The following PHF3 variants were observed in gnomAD, a reference collection of about 807,000 sequenced individuals.
The protein encoded by PHF3 is PHD finger protein 3.
In PHF3, 41 loss-of-function variants were observed where a neutral mutation model predicts 178.4. The observed-to-expected ratio is 0.23, with a 90% CI of 0.18 to 0.30. PHF3 has a LOEUF of 0.30. PHF3 is among the 10% of genes least tolerant of loss of function. The pLI, the probability that PHF3 is intolerant of heterozygous loss-of-function variation, is 1.00. For synonymous variants in PHF3, 842 were observed against 800.5 expected, an observed-to-expected ratio of 1.05 and a Z score of -0.88; for missense variants, 2,346 against 2,398.1, an observed-to-expected ratio of 0.98 and a Z score of 0.45.
chr6:63,725,138 TTATA>T lies in PHF3; in HGVS notation c.*11433_*11436del, dbSNP rs1768561994. 6.6e-6 allele frequency among the ~76,000 whole-genome samples: 1 copy of T among 152,144 alleles called. No individual in the cohort carries two copies. Among genetic ancestry groups the T allele is most frequent in the Admixed American group, 6.5e-5 (1 of 15,268 alleles). ...ATATTTAAAAATTTTCATGATTTTC[TTATA>T]TAAGTGTCAAATGCAGCATCAATCG... On this transcript the variant is annotated 3_prime_UTR_variant, in exon 16 of 16. Coordinates refer to ENST00000262043, the MANE Select transcript of PHF3 (RefSeq NM_001370348.2).
chr6:63,657,400 A>G (rs1292681234), intron 2 of PHF3, among the ~76,000 whole-genome samples: 2 of 152,222 alleles, frequency 1.3e-5, no homozygotes, highest in Admixed American at 6.5e-5. Flanking sequence ...CTAATAGCCT[A>G]TGTTGACTGG....
intron 3 of PHF3, among the ~76,000 whole-genome samples, chr6:63,681,911 C>G (rs1174351002): frequency 6.6e-6 from 1 of 152,108 alleles, no homozygotes; most frequent in South Asian, 2.1e-4. Context: ...GTATAGCAAT[C>G]TGGCTGTACT....
At chr6:63,670,499 G>C (rs1765869461) in intron 2 of PHF3, among the ~76,000 whole-genome samples, 1 of 151,946 alleles carries the variant, frequency 6.6e-6, no homozygotes. Flanking sequence ...CGTTAGCCAG[G>C]ATGGTCTCGA....
intron 1 of PHF3, among the ~76,000 whole-genome samples, chr6:63,637,276 G>C (rs1764382661): frequency 6.6e-6 from 1 of 152,042 alleles, no homozygotes; most frequent in African/African-American, 2.4e-5. Context: ...ACTATTTTGG[G>C]GTCGAACTTG....
intron 2 of PHF3, among the ~76,000 whole-genome samples, chr6:63,659,119 C>T (rs1394172026): frequency 6.6e-6 from 1 of 152,050 alleles, no homozygotes; most frequent in East Asian, 1.9e-4. Flanking sequence ...ATGGCCTAGC[C>T]AAGTTGACGT....
At chr6:63,709,309 A>G (rs1767825659) in intron 14 of PHF3, 69 bp downstream of exon 14, 2 of 1,052,532 alleles carry the variant, frequency 1.9e-6, no homozygotes, top group Non-Finnish European at 2.9e-6. Context: ...TAGAATTCTT[A>G]TGCAAGGGTG....
rs748847194 is a variant in PHF3, at chr6:63,706,751, G to A, written c.3586G>A (p.Glu1196Lys). The A allele has an allele frequency of 2.5e-6, 4 of 1,613,716 alleles. No individual in the cohort carries two copies. The East Asian group carries it at 8.9e-5, about 36-fold the overall frequency. The change falls in exon 13 of 16, where the codon GAA becomes AAA. Residue 1196 changes from glutamate (E) to lysine (K), a missense_variant. Coordinates refer to ENST00000262043, the MANE Select transcript of PHF3 (RefSeq NM_001370348.2). ...TAGTCCAGAGATGCCTGGAACTGTT[G>A]AAGTTGAGTCTACCTTTCTGGCTCG... ...APRPEMPGTV[E>K]VESTFLARLN... is the part of the protein sequence containing the mutation.
intron 2 of PHF3, among the ~76,000 whole-genome samples, chr6:63,664,762 A>C (rs1438611388): frequency 1.3e-5 from 2 of 152,072 alleles, no homozygotes; most frequent in South Asian, 2.1e-4. Flanking sequence ...TTCCAAGTTG[A>C]GCTTGATACT....
In PHF3 at chr6:63,716,395, C is replaced by T. The variant is rs1057379948; in HGVS notation, c.*2687C>T. 2.6e-5 allele frequency among the ~76,000 whole-genome samples: 4 copies of T among 152,150 alleles called. No individual in the cohort carries two copies. Among genetic ancestry groups the T allele is most frequent in the Non-Finnish European group, 5.9e-5 (4 of 68,004 alleles). ...TTCCACTGAACTGTCTGAAACCCTTCACTGAGCAACCCAACTGTTCAGTGT... is the reference window on the plus strand; with the variant it reads ...TTCCACTGAACTGTCTGAAACCCTTTACTGAGCAACCCAACTGTTCAGTGT... On this transcript the variant is annotated 3_prime_UTR_variant, in exon 16 of 16. Coordinates refer to ENST00000262043, the MANE Select transcript of PHF3 (RefSeq NM_001370348.2).
Position 63,721,874 on chromosome 6 carries a change from G to T in PHF3, c.*8166G>T. ...GAAAACTTTTGCTGTTTCTGGCCAA[G>T]TTGGATAAGTTTTAGTTATGGGGAA... On this transcript the variant is annotated 3_prime_UTR_variant, in exon 16 of 16. Transcript: ENST00000262043. 7.4e-7 allele frequency: 1 copy of T among 1,348,178 alleles called. No homozygotes were observed. The highest frequency in any genetic ancestry group is 1.5e-5 in the South Asian group (1 of 65,316). 83.5% of individuals were successfully genotyped at this position (1,348,178 alleles called of 1,614,324 possible). A position where few individuals can be genotyped will look rare whatever the true frequency, so the allele number is the denominator to read the frequency against.
At chr6:63,641,749 C>T (rs146267772) in intron 1 of PHF3, among the ~76,000 whole-genome samples, 2,768 of 151,834 alleles carry the variant, frequency 0.018, 40 homozygotes, top group South Asian at 0.036. Context: ...GCTATTCTCC[C>T]ACCTCAGCCT....
At chr6:63,650,939 G>T (rs551593154) in intron 2 of PHF3, among the ~76,000 whole-genome samples, 12 of 152,006 alleles carry the variant, frequency 7.9e-5, no homozygotes, top group Non-Finnish European at 1.8e-4. Context: ...GGGGCTATTT[G>T]TGCATATTAA....
At chr6:63,675,487 A>T (rs542440633) in intron 2 of PHF3, among the ~76,000 whole-genome samples, 2 of 152,198 alleles carry the variant, frequency 1.3e-5, no homozygotes, top group South Asian at 4.1e-4. Context: ...AACATACTGG[A>T]GGTGCTTCTG....
Position 63,725,425 on chromosome 6 carries a change from G to C in PHF3, c.*11717G>C, listed in dbSNP as rs557581254. 1.8e-4 allele frequency among the ~76,000 whole-genome samples: 27 copies of C among 151,934 alleles called. No homozygotes were observed. Among genetic ancestry groups the C allele is most frequent in the Non-Finnish European group, 3.4e-4 (23 of 67,934 alleles). ...CTTGATTTTCTGCCCTCTTACATAG[G>C]TCCCACTTAACATTAATTTTGAGTT... is the stretch of plus-strand genomic sequence containing the variant. On this transcript the variant is annotated 3_prime_UTR_variant, in exon 16 of 16. Transcript: ENST00000262043.
At chr6:63,679,957 C>T (rs1302884186) in intron 2 of PHF3, 43 bp from the exon 3 acceptor site, 2 of 1,514,242 alleles carry the variant, frequency 1.3e-6, no homozygotes, top group South Asian at 1.1e-5. Context: ...GCCTAACATT[C>T]CCAATATTTT....
At chr6:63,680,584 A>G (rs1017899653) in intron 3 of PHF3, among the ~76,000 whole-genome samples, 5 of 151,930 alleles carry the variant, frequency 3.3e-5, no homozygotes, top group African/African-American at 1.2e-4. Flanking sequence ...TTATGTTAGT[A>G]TGAGTAATAT....
At chr6:63,680,398 ATTTTTTTTT>A (rs994238749) in intron 3 of PHF3, among the ~76,000 whole-genome samples, 15 of 117,586 alleles carry the variant, frequency 1.3e-4, no homozygotes, top group Admixed American at 1.1e-3. Flanking sequence ...AGCTGGTTTA[ATTTTTTTTT>A]TTTTTTTTTT....
intron 9 of PHF3, among the ~76,000 whole-genome samples, chr6:63,701,214 A>G (rs1405349630): frequency 1.3e-5 from 2 of 152,230 alleles, no homozygotes; most frequent in East Asian, 3.8e-4. Context: ...CGCATAACTA[A>G]TTTATTGATA....
intron 6 of PHF3, among the ~76,000 whole-genome samples, chr6:63,695,777 G>A (rs190664029): frequency 4.2e-4 from 64 of 152,302 alleles, no homozygotes; most frequent in Admixed American, 4.1e-3. Context: ...TTTTATAATA[G>A]AGTTGACAGA....
Sources: gnomAD v4.1 joint callset for allele counts (sites outside exome capture counted in the v4.1 genomes callset) on GRCh38, gnomAD v4.1.1 for gene constraint, MANE v1.5 for transcripts, NCBI Gene and HGNC (gene_info 2026-07-23, HGNC 2026-07-21) for gene names.